The following PGM5 variants were observed in gnomAD, a reference collection of about 807,000 sequenced individuals.
PGM5 encodes phosphoglucomutase 5, also known as phosphoglucomutase-like protein 5.
In PGM5, 23 loss-of-function variants were observed where a neutral mutation model predicts 59.2. That is an observed-to-expected ratio of 0.39 (90% CI 0.28 to 0.55). The LOEUF is 0.55. Ranked by LOEUF, PGM5 falls within the 20% of genes least tolerant of loss-of-function variation. The pLI is 0.66. For missense variants in PGM5, 574 were observed against 748.3 expected, an observed-to-expected ratio of 0.77 and a Z score of 2.72; for synonymous variants, 214 against 286.0, an observed-to-expected ratio of 0.75 and a Z score of 2.54.
chr9:68,507,377 C>T (rs1460710235), intron 10 of PGM5, among the ~76,000 whole-genome samples: 1 of 152,160 alleles, frequency 6.6e-6, no homozygotes, highest in African/African-American at 2.4e-5. Context: ...TAAACTCAAG[C>T]TGAACTGGAA....
rs534600098 is a variant in PGM5 at position 68,382,043 on chromosome 9, G to T, written c.425-2355G>T. ...AAATAGAAAAGCAATACTAAAATTT[G>T]TTTGGAGCCCCCAAAAACCAAAGCA... On this transcript the variant is annotated intron_variant, in intron 2 of 10. Transcript: ENST00000396396. Among the ~76,000 whole-genome samples, 279 of 151,534 alleles carry T rather than the reference G, an allele frequency of 1.8e-3. 3 individuals carry two copies. The highest frequency in any genetic ancestry group is 2.2e-3 in the Non-Finnish European group (148 of 67,628).
chr9:68,460,166 A>T (rs998331387), intron 6 of PGM5, among the ~76,000 whole-genome samples: 2 of 152,302 alleles, frequency 1.3e-5, no homozygotes, highest in African/African-American at 4.8e-5. Context: ...TGATATGATC[A>T]GTCTGTGTTT....
At chr9:68,433,454 T>C (rs1823390049) in intron 6 of PGM5, among the ~76,000 whole-genome samples, 1 of 152,282 alleles carries the variant, frequency 6.6e-6, no homozygotes, top group Non-Finnish European at 1.5e-5. Flanking sequence ...TGATTAAGCT[T>C]TGATTAGTAA....
At chr9:68,404,331 G>A (rs1201694112) in intron 6 of PGM5, among the ~76,000 whole-genome samples, 1 of 152,142 alleles carries the variant, frequency 6.6e-6, no homozygotes, top group African/African-American at 2.4e-5. Context: ...GTTTTGCCAT[G>A]TTGGCCAGGC....
intron 6 of PGM5, among the ~76,000 whole-genome samples, chr9:68,436,234 C>T (rs140504300): frequency 1.1e-4 from 17 of 152,186 alleles, no homozygotes; most frequent in African/African-American, 4.1e-4. Flanking sequence ...CTTTGAGGTA[C>T]AGCAAAAAGC....
At chr9:68,511,296 C>T (rs1315096915) in intron 10 of PGM5, among the ~76,000 whole-genome samples, 4 of 152,302 alleles carry the variant, frequency 2.6e-5, no homozygotes, top group Non-Finnish European at 5.9e-5. Context: ...AGAGTCTGTT[C>T]TGTCAGTCCT....
intron 6 of PGM5, among the ~76,000 whole-genome samples, chr9:68,418,605 T>A (rs1203110253): frequency 6.6e-6 from 1 of 152,180 alleles, no homozygotes; most frequent in East Asian, 1.9e-4. Flanking sequence ...AGCCTTCCCC[T>A]GTGTTTCTCA....
intron 10 of PGM5, among the ~76,000 whole-genome samples, chr9:68,508,898 T>C (rs1046401292): frequency 6.6e-6 from 1 of 152,206 alleles, no homozygotes; most frequent in Non-Finnish European, 1.5e-5. Flanking sequence ...GTACAGTAAA[T>C]AATTTGCTTT....
chr9:68,451,377 T>A (rs1823693191), intron 6 of PGM5, among the ~76,000 whole-genome samples: 1 of 152,240 alleles, frequency 6.6e-6, no homozygotes, highest in Admixed American at 6.5e-5. Context: ...TTTTGAAAGG[T>A]TTCCAGAGTG....
chr9:68,484,150 T>C (rs1824248520), intron 9 of PGM5, 102 bp downstream of exon 9: 1 of 977,016 alleles, frequency 1.0e-6, no homozygotes, highest in African/African-American at 1.6e-5. Context: ...GGTGACCTCA[T>C]TTTATAGATG....
intron 10 of PGM5, among the ~76,000 whole-genome samples, chr9:68,528,203 A>G (rs1349689327): frequency 6.6e-6 from 1 of 152,128 alleles, no homozygotes; most frequent in Admixed American, 6.6e-5. Flanking sequence ...TTCTATCAGT[A>G]TCTCTATATT....
At chr9:68,420,089 G>C (rs1266347148) in intron 6 of PGM5, among the ~76,000 whole-genome samples, 1 of 152,132 alleles carries the variant, frequency 6.6e-6, no homozygotes, top group Non-Finnish European at 1.5e-5. Context: ...CGTACACCTA[G>C]AGGAATTCCT....
At chr9:68,474,495 T>C (rs112876053) in intron 7 of PGM5, among the ~76,000 whole-genome samples, 1 of 152,010 alleles carries the variant, frequency 6.6e-6, no homozygotes, top group African/African-American at 2.4e-5. Flanking sequence ...CTAGCTCAAG[T>C]AGCATGGTTT....
chr9:68,361,622 A>G (rs1192444373), intron 1 of PGM5, among the ~76,000 whole-genome samples: 2 of 152,212 alleles, frequency 1.3e-5, no homozygotes, highest in Non-Finnish European at 2.9e-5. Context: ...GGGCCCTCAC[A>G]TAGTGGGAGA....
intron 2 of PGM5, among the ~76,000 whole-genome samples, chr9:68,378,589 G>A (rs404257): frequency 0.49 from 74,430 of 151,580 alleles, 18,485 homozygotes; most frequent in Admixed American, 0.53. Flanking sequence ...CTATTGAATA[G>A]TTGATGCTTA....
chr9:68,465,237 G>T (rs1564012581), intron 7 of PGM5, 29 bp downstream of exon 7: 1 of 1,392,484 alleles, frequency 7.2e-7, no homozygotes, highest in Admixed American at 1.7e-5. Flanking sequence ...ATATTACTGG[G>T]GAGGGCGGCT....
chr9:68,374,705 G>C (rs1348321087), intron 1 of PGM5, among the ~76,000 whole-genome samples: 3 of 151,938 alleles, frequency 2.0e-5, no homozygotes, highest in Non-Finnish European at 2.9e-5. Context: ...ATTTTTTCCA[G>C]AGCAGCCGTT....
At chr9:68,436,576 C>T (rs1823445110) in intron 6 of PGM5, among the ~76,000 whole-genome samples, 1 of 152,154 alleles carries the variant, frequency 6.6e-6, no homozygotes, top group African/African-American at 2.4e-5. Context: ...TTTCTGAGAC[C>T]TGGTTGTTTA....
At position 68,356,922 on chromosome 9, in the gene PGM5, G is replaced by A. The variant is rs1157093186; in HGVS notation, c.-206G>A. 37 of 456,456 alleles carry A rather than the reference G, an allele frequency of 8.1e-5. No homozygotes were observed. Among genetic ancestry groups the A allele is most frequent in the Admixed American group, 7.2e-4 (16 of 22,302 alleles). 28.3% of individuals were successfully genotyped at this position (456,456 alleles called of 1,614,324 possible). A position where few individuals can be genotyped will look rare whatever the true frequency, so the allele number is the denominator to read the frequency against. ...CAGGAAGGCAGAAGCAATCTCTGCC[G>A]AGAGAGTCAGCCGAGCGGCCGCGCG... On this transcript the variant is annotated 5_prime_UTR_variant, in exon 1 of 11. Transcript: ENST00000396396.
Sources: gnomAD v4.1 joint callset for allele counts (sites outside exome capture counted in the v4.1 genomes callset) on GRCh38, gnomAD v4.1.1 for gene constraint, MANE v1.5 for transcripts, NCBI Gene and HGNC (gene_info 2026-07-23, HGNC 2026-07-21) for gene names.